The following RAB4A variants were observed in gnomAD, a reference collection of about 807,000 sequenced individuals.
The protein encoded by RAB4A is RAB4A, member RAS oncogene family.
In RAB4A, 20 loss-of-function variants were observed where a neutral mutation model predicts 34.5. The ratio of observed to expected loss-of-function variants is 0.58; its 90% CI spans 0.41 to 0.84. The LOEUF is 0.84. Ranked by LOEUF, RAB4A falls within the 40% of genes least tolerant of loss-of-function variation. RAB4A has a pLI of 0.00. For missense variants in RAB4A, 228 were observed against 274.5 expected, an observed-to-expected ratio of 0.83 and a Z score of 1.20; for synonymous variants, 102 against 100.0, an observed-to-expected ratio of 1.02 and a Z score of -0.12.
chr1:229,301,487 T>A (rs967573132), intron 6 of RAB4A, among the ~76,000 whole-genome samples: 3 of 152,104 alleles, frequency 2.0e-5, no homozygotes, highest in African/African-American at 7.2e-5. Flanking sequence ...GTTACATAAA[T>A]CCTTACAGTT....
intron 1 of RAB4A, among the ~76,000 whole-genome samples, chr1:229,279,026 AT>A (rs1165198971): frequency 6.6e-6 from 1 of 152,230 alleles, no homozygotes; most frequent in African/African-American, 2.4e-5. Flanking sequence ...CTTAAAGCCT[AT>A]TCCTTCTCAG....
At chr1:229,301,074 A>G (rs979755167) in intron 6 of RAB4A, among the ~76,000 whole-genome samples, 11 of 152,208 alleles carry the variant, frequency 7.2e-5, no homozygotes, top group African/African-American at 2.4e-4. Context: ...TGGGGAATAG[A>G]AAGTCAGTGA....
intron 3 of RAB4A, among the ~76,000 whole-genome samples, chr1:229,290,854 A>G (rs1023137819): frequency 6.6e-6 from 1 of 152,230 alleles, no homozygotes; most frequent in South Asian, 2.1e-4. Context: ...TGCAATGACT[A>G]TTAGGAGTTC....
At chr1:229,271,705 C>A (rs937034984) in intron 1 of RAB4A, among the ~76,000 whole-genome samples, 4 of 152,186 alleles carry the variant, frequency 2.6e-5, no homozygotes, top group African/African-American at 9.7e-5. Flanking sequence ...GTTTGAAAAG[C>A]CAGCTTGATG....
At chr1:229,284,768 A>G (rs950919339) in intron 1 of RAB4A, among the ~76,000 whole-genome samples, 1 of 152,130 alleles carries the variant, frequency 6.6e-6, no homozygotes, top group African/African-American at 2.4e-5. Flanking sequence ...TTTTAATTCT[A>G]TAAAATTCTC....
rs567957512 is a variant in RAB4A at position 229,283,603 on chromosome 1, G to A, written c.32-2883G>A. ...GGGTTGCCAGCTTGTTCTGCTCCAAGCCTAGGATACAAGAGGCAAAAAGAA... is the reference window on the plus strand; with the variant it reads ...GGGTTGCCAGCTTGTTCTGCTCCAAACCTAGGATACAAGAGGCAAAAAGAA... On this transcript the variant is annotated intron_variant, in intron 1 of 7. Coordinates refer to ENST00000366690, the MANE Select transcript of RAB4A (RefSeq NM_004578.4). Among the ~76,000 whole-genome samples the A allele has an allele frequency of 8.5e-5, 13 of 152,158 alleles. No individual in the cohort carries two copies. The East Asian group carries it at 2.5e-3, about 29-fold the overall frequency.
intron 2 of RAB4A, among the ~76,000 whole-genome samples, chr1:229,287,526 A>C (rs1656955683): frequency 6.6e-6 from 1 of 152,218 alleles, no homozygotes; most frequent in South Asian, 2.1e-4. Flanking sequence ...CCCAGAGGGT[A>C]CTGGGCCAAG....
intron 1 of RAB4A, among the ~76,000 whole-genome samples, chr1:229,280,605 T>C (rs995924357): frequency 1.1e-4 from 16 of 152,306 alleles, no homozygotes; most frequent in African/African-American, 3.6e-4. Context: ...CAGATTCATA[T>C]AGTTTTAAGA....
intron 6 of RAB4A, among the ~76,000 whole-genome samples, 190 bp downstream of exon 6, chr1:229,299,262 G>T (rs747003644): frequency 6.6e-6 from 1 of 152,210 alleles, no homozygotes; most frequent in Non-Finnish European, 1.5e-5. Flanking sequence ...TCCTTATCAG[G>T]ATGGTTTCCA....
rs575706911 is a variant in RAB4A at position 229,304,454 on chromosome 1, G to T, written c.*661G>T. On this transcript the variant is annotated 3_prime_UTR_variant, in exon 8 of 8. Transcript: ENST00000366690. The stretch of plus-strand genomic sequence containing the variant: ...GTTGATTTTAAAGCCTCTTCATCCA[G>T]GTCAGTTCAGGAAGTATATCTGGAG... The T allele has an allele frequency of 6.6e-6, 1 of 152,198 alleles. No individual in the cohort carries two copies. The highest frequency in any genetic ancestry group is 2.1e-4 in the South Asian group (1 of 4,818). 9.4% of individuals were successfully genotyped at this position (152,198 alleles called of 1,614,324 possible).
chr1:229,301,650 C>G (rs1657388426), intron 6 of RAB4A, among the ~76,000 whole-genome samples: 1 of 151,718 alleles, frequency 6.6e-6, no homozygotes, highest in Non-Finnish European at 1.5e-5. Flanking sequence ...ATCATAAGTA[C>G]CTCTAGGTGA....
At chr1:229,275,647 G>A (rs1656622853) in intron 1 of RAB4A, among the ~76,000 whole-genome samples, 2 of 136,730 alleles carry the variant, frequency 1.5e-5, no homozygotes, top group Admixed American at 1.5e-4. Context: ...TTGAGATAGA[G>A]TCTCTCACTG....
chr1:229,297,756 A>C, intron 5 of RAB4A, 120 bp downstream of exon 5: 1 of 1,150,846 alleles, frequency 8.7e-7, no homozygotes, highest in Non-Finnish European at 1.2e-6. Context: ...GAAATGTGGA[A>C]TTTCCAATTG....
chr1:229,302,668 A>C (rs2102681417), intron 6 of RAB4A, among the ~76,000 whole-genome samples, 194 bp from the exon 7 acceptor site: 1 of 151,970 alleles, frequency 6.6e-6, no homozygotes, highest in South Asian at 2.1e-4. Flanking sequence ...CCTCCGAATC[A>C]GCCGTTCCTT....
intron 3 of RAB4A, 91 bp downstream of exon 3, chr1:229,288,934 C>A: frequency 1.4e-6 from 1 of 740,138 alleles, no homozygotes; most frequent in Non-Finnish European, 2.3e-6. Context: ...TCACTCCCTC[C>A]CCAACACACC....
chr1:229,297,982 GA>G (rs1657290767), intron 5 of RAB4A, among the ~76,000 whole-genome samples: 1 of 152,098 alleles, frequency 6.6e-6, no homozygotes, highest in African/African-American at 2.4e-5. Context: ...TATTTTGAAG[GA>G]AATTTGGTGA....
At chr1:229,301,176 T>A (rs12084468) in intron 6 of RAB4A, among the ~76,000 whole-genome samples, 2 of 151,824 alleles carry the variant, frequency 1.3e-5, no homozygotes. Context: ...GCAAGCAGAG[T>A]GTCCACTCCT....
At chr1:229,299,413 A>G (rs1184881961) in intron 6 of RAB4A, among the ~76,000 whole-genome samples, 1 of 152,200 alleles carries the variant, frequency 6.6e-6, no homozygotes, top group Non-Finnish European at 1.5e-5. Context: ...CACTCTGTCA[A>G]CAGCACGCTA....
intron 1 of RAB4A, among the ~76,000 whole-genome samples, chr1:229,274,049 C>CTTTTTT (rs11339660): frequency 6.9e-5 from 6 of 86,858 alleles, no homozygotes; most frequent in Admixed American, 1.5e-4. Context: ...TTTTGTTTCC[C>CTTTTTT]TTTTTTTTTT....
Sources: allele counts gnomAD v4.1 joint callset (sites outside exome capture counted in the v4.1 genomes callset), GRCh38; gene constraint gnomAD v4.1.1; transcripts MANE v1.5; gene names NCBI Gene and HGNC (gene_info 2026-07-23, HGNC 2026-07-21).